RNF4: variants seen among roughly 807,000 people sequenced by gnomAD.
RNF4 encodes ring finger protein 4, also known as E3 ubiquitin-protein ligase RNF4.
Under a neutral mutation model 24.3 loss-of-function variants are expected in RNF4, and 7 were observed. The observed-to-expected ratio is 0.29, with a 90% confidence interval of 0.16 to 0.54. RNF4 has a LOEUF of 0.54. Ranked by LOEUF, RNF4 falls within the 20% of genes least tolerant of loss-of-function variation. The pLI, the probability that RNF4 is intolerant of heterozygous loss-of-function variation, is 0.95. For missense variants in RNF4, 209 were observed against 248.5 expected, an observed-to-expected ratio of 0.84 and a Z score of 1.07; for synonymous variants, 83 against 84.3, an observed-to-expected ratio of 0.98 and a Z score of 0.09.
intron 4 of RNF4, among the ~76,000 whole-genome samples, chr4:2,508,682 C>T (rs1283378419): frequency 1.3e-5 from 2 of 152,206 alleles, no homozygotes; most frequent in Non-Finnish European, 2.9e-5. Context: ...GCAATCTCGG[C>T]TCACCACAAC....
chr4:2,492,014 C>T (rs1389741757), intron 2 of RNF4, among the ~76,000 whole-genome samples: 16 of 151,584 alleles, frequency 1.1e-4, no homozygotes, highest in African/African-American at 2.4e-5. Flanking sequence ...CTGGCTAACA[C>T]GGTGAAACCC....
intron 1 of RNF4, among the ~76,000 whole-genome samples, chr4:2,488,189 G>A (rs897888341): frequency 5.3e-5 from 8 of 152,298 alleles, no homozygotes; most frequent in East Asian, 1.9e-4. Flanking sequence ...GAGGACAGAC[G>A]TGGTGGCTCA....
chr4:2,479,645 T>C (rs968598125), intron 1 of RNF4, among the ~76,000 whole-genome samples: 1 of 152,182 alleles, frequency 6.6e-6, no homozygotes, highest in African/African-American at 2.4e-5. Context: ...TCCCCAGCCA[T>C]GTGGAACTGT....
chr4:2,473,694 C>G (rs1276115688), intron 1 of RNF4, among the ~76,000 whole-genome samples: 1 of 151,862 alleles, frequency 6.6e-6, no homozygotes, highest in Non-Finnish European at 1.5e-5. Flanking sequence ...GCCTGTAATC[C>G]TAGCTACTCT....
chr4:2,484,800 G>C (rs775011710), intron 1 of RNF4, among the ~76,000 whole-genome samples: 1 of 152,036 alleles, frequency 6.6e-6, no homozygotes, highest in East Asian at 1.9e-4. Context: ...ACTACCCCGA[G>C]CCTCATGGCT....
At position 2,510,125 on chromosome 4, in the gene RNF4, G is replaced by A. The variant is rs542604829; in HGVS notation, c.205-1831G>A. ...ACGTTTCAGTGGCTCCACGTATGTG[G>A]ATTATATTCTCATCCTCAAATCAAA... On this transcript the variant is annotated intron_variant, in intron 4 of 7. Transcript: ENST00000314289. Among the ~76,000 whole-genome samples, 3 of 152,260 alleles carry A rather than the reference G, an allele frequency of 2.0e-5. No individual in the cohort carries two copies. In the East Asian group the frequency reaches 5.8e-4, roughly 29 times the overall value.
At chr4:2,472,601 TAAAAA>T (rs80169458) in intron 1 of RNF4, among the ~76,000 whole-genome samples, 29,237 of 135,542 alleles carry the variant, frequency 0.22, 3,389 homozygotes, top group Middle Eastern at 0.31. Context: ...GCCAGTCTCT[TAAAAA>T]AAAAAAAAAA....
rs1735541926 is a variant in RNF4, at chr4:2,490,349, C to A, written c.-145C>A. On this transcript the variant is annotated 5_prime_UTR_variant, in exon 2 of 8. The change creates a new upstream start codon in the 5' untranslated region. Coordinates refer to ENST00000314289, the MANE Select transcript of RNF4 (RefSeq NM_002938.5). ...CTTTGTTTTTCAGGACTTGAAAATA[C>A]TGGAAATCTGTCCGGATCCAAATTA... 2.9e-6 allele frequency: 2 copies of A among 688,426 alleles called. No individual in the cohort carries two copies. Among genetic ancestry groups the A allele is most frequent in the South Asian group, 1.9e-5 (1 of 51,684 alleles). The allele number at this position is 688,426 out of a possible 1,614,324, so 42.6% of individuals were successfully genotyped here.
intron 3 of RNF4, among the ~76,000 whole-genome samples, chr4:2,498,360 G>T (rs1487544439): frequency 1.3e-5 from 2 of 151,944 alleles, no homozygotes; most frequent in African/African-American, 4.8e-5. Flanking sequence ...AATTTTTTTT[G>T]TATTTTTAGT....
rs1578529973 is a variant in RNF4, at chr4:2,513,992, A to T, written c.*173A>T. 6.9e-6 allele frequency: 6 copies of T among 865,710 alleles called. No individual in the cohort carries two copies. The East Asian group carries it at 1.6e-4, about 23-fold the overall frequency. The allele number at this position is 865,710 out of a possible 1,614,324, so 53.6% of individuals were successfully genotyped here. A position where few individuals can be genotyped will look rare whatever the true frequency, so the allele number is the denominator to read the frequency against. On this transcript the variant is annotated 3_prime_UTR_variant, in exon 8 of 8. Transcript: ENST00000314289. ...CTTTTGTTATCTCCAGTTTGATGCT[A>T]TGGCGCTGGACCCAGGGCCCTCCCA... is the stretch of plus-strand genomic sequence containing the variant.
At chr4:2,476,999 C>G (rs770368335) in intron 1 of RNF4, among the ~76,000 whole-genome samples, 4 of 151,664 alleles carry the variant, frequency 2.6e-5, no homozygotes, top group Non-Finnish European at 5.9e-5. Flanking sequence ...CCAGCCTGGT[C>G]TTGAACTCCT....
chr4:2,476,559 A>AT (rs1378636703), intron 1 of RNF4, among the ~76,000 whole-genome samples: 1 of 151,918 alleles, frequency 6.6e-6, no homozygotes, highest in South Asian at 2.1e-4. Flanking sequence ...CGGCTGGCTA[A>AT]TTTTTTGTAT....
At chr4:2,477,611 A>T (rs986187783) in intron 1 of RNF4, among the ~76,000 whole-genome samples, 1 of 152,072 alleles carries the variant, frequency 6.6e-6, no homozygotes, top group Admixed American at 6.6e-5. Flanking sequence ...TGATGCTTTT[A>T]TAAGGGGGAG....
At chr4:2,494,374 T>C (rs1016760606) in intron 2 of RNF4, among the ~76,000 whole-genome samples, 7 of 33,078 alleles carry the variant, frequency 2.1e-4, no homozygotes, top group South Asian at 2.0e-3. Flanking sequence ...AACTTAGAAC[T>C]TTTTTTTTTT....
intron 4 of RNF4, among the ~76,000 whole-genome samples, chr4:2,511,258 G>A (rs1736265503): frequency 6.7e-6 from 1 of 149,424 alleles, no homozygotes; most frequent in African/African-American, 2.5e-5. Flanking sequence ...TGTGGCTGTG[G>A]CAGCCCCCAG....
chr4:2,470,642 C>G (rs1323187378), intron 1 of RNF4, among the ~76,000 whole-genome samples: 1 of 152,122 alleles, frequency 6.6e-6, no homozygotes, highest in East Asian at 1.9e-4. Flanking sequence ...CACATCTGTG[C>G]TTTGTACATA....
chr4:2,478,290 A>G (rs931073745), intron 1 of RNF4, among the ~76,000 whole-genome samples: 7 of 152,210 alleles, frequency 4.6e-5, no homozygotes, highest in African/African-American at 1.7e-4. Context: ...CCTCCTGTCA[A>G]TGTGCTAGAA....
chr4:2,507,562 G>A (rs1177544801), intron 4 of RNF4, among the ~76,000 whole-genome samples: 1 of 152,216 alleles, frequency 6.6e-6, no homozygotes, highest in Non-Finnish European at 1.5e-5. Context: ...CTGTAAAGTT[G>A]TCTAAAGCAA....
intron 1 of RNF4, chr4:2,480,462 G>T (rs1380353839): frequency 6.6e-6 from 1 of 151,742 alleles, no homozygotes; most frequent in African/African-American, 2.4e-5. Flanking sequence ...TAGTAGAGGT[G>T]GGGTTTCACC....
Sources: allele counts gnomAD v4.1 joint callset (sites outside exome capture counted in the v4.1 genomes callset), GRCh38; gene constraint gnomAD v4.1.1; transcripts MANE v1.5; gene names NCBI Gene and HGNC (gene_info 2026-07-23, HGNC 2026-07-21).